The following ABCA6 variants were observed in gnomAD, a reference collection of about 807,000 sequenced individuals.
ABCA6 encodes ATP-binding cassette sub-family A member 6.
ABCA6 carries 164 observed loss-of-function variants against 191.2 expected under a neutral mutation model. That is an observed-to-expected ratio of 0.86 (90% CI 0.76 to 0.98). The LOEUF is 0.98. ABCA6 is among the 50% of genes least tolerant of loss of function. The pLI is 0.00. For synonymous variants in ABCA6, 636 were observed against 647.7 expected (o/e 0.98, Z 0.27); for missense variants, 1,958 against 1,894.1 (o/e 1.03, Z -0.63).
At chr17:69,088,793 C>T (rs896640926) in intron 27 of ABCA6, among the ~76,000 whole-genome samples, 5 of 152,154 alleles carry the variant, frequency 3.3e-5, no homozygotes, top group African/African-American at 9.7e-5. Context: ...CTCGCTTTAT[C>T]CCATGACTTC....
intron 3 of ABCA6, among the ~76,000 whole-genome samples, 168 bp from the exon 4 acceptor site, chr17:69,136,418 G>A (rs183471518): frequency 6.6e-6 from 1 of 152,206 alleles, no homozygotes; most frequent in African/African-American, 2.4e-5. Flanking sequence ...TAATGGTTTA[G>A]ATTCTACAGT....
chr17:69,133,823 A>G lies in ABCA6; in HGVS notation c.609T>C (p.Thr203=). The change falls in exon 6 of 39, where the codon ACT becomes ACC. Residue 203 remains threonine, a synonymous_variant. Transcript: ENST00000284425. ...HPVMEELMSV[T]AITMKTLPFI... ...AAGGTAATGTCTTCATAGTTATAGCAGTAACTGACATCAACTCCTCCATCA... is the reference window on the plus strand; with the variant it reads ...AAGGTAATGTCTTCATAGTTATAGCGGTAACTGACATCAACTCCTCCATCA... 6.2e-7 allele frequency: 1 copy of G among 1,610,866 alleles called. No homozygotes were observed. Among genetic ancestry groups the G allele is most frequent in the Non-Finnish European group, 8.5e-7 (1 of 1,178,256 alleles).
chr17:69,086,930 C>T (rs769333863), intron 29 of ABCA6, among the ~76,000 whole-genome samples, 195 bp from the exon 30 acceptor site: 4 of 152,162 alleles, frequency 2.6e-5, no homozygotes, highest in Non-Finnish European at 5.9e-5. Flanking sequence ...ATGGAAGCAG[C>T]TTATTGTCTT....
At position 69,133,632 on chromosome 17, in the gene ABCA6, GT is replaced by G. The variant is rs1337815355; in HGVS notation, c.791+8del. On this transcript the variant is annotated splice_region_variant and intron_variant, in intron 6 of 38. Coordinates refer to ENST00000284425, the MANE Select transcript of ABCA6 (RefSeq NM_080284.3). Reference sequence around the variant, plus strand: ...TTATTAATTTGCACTACTTGAATTAGTCACTCACCAGAATGCTGAATCTTGG... The same window carrying G: ...TTATTAATTTGCACTACTTGAATTAGCACTCACCAGAATGCTGAATCTTGG... 1 of 1,537,354 alleles carries G rather than the reference GT, an allele frequency of 6.5e-7. No homozygotes were observed. The highest frequency in any genetic ancestry group is 1.8e-5 in the Admixed American group (1 of 54,196).
At chr17:69,120,905 A>AT (rs1240220309) in intron 10 of ABCA6, among the ~76,000 whole-genome samples, 3 of 152,012 alleles carry the variant, frequency 2.0e-5, no homozygotes, top group Non-Finnish European at 4.4e-5. Flanking sequence ...AAAAATGTAT[A>AT]TTTTTACAAA....
chr17:69,096,820 A>G lies in ABCA6; in HGVS notation c.3121-19T>C, dbSNP rs771515289. The G allele has an allele frequency of 2.0e-6, 3 of 1,511,064 alleles. No individual in the cohort carries two copies. The highest frequency in any genetic ancestry group is 2.4e-5 in the East Asian group (1 of 41,192). The allele number at this position is 1,511,064 out of a possible 1,614,324, so 93.6% of individuals were successfully genotyped here. A position where few individuals can be genotyped will look rare whatever the true frequency, so the allele number is the denominator to read the frequency against. ...CATTTTTCTGATTAAAAAAAAAAAG[A>G]AAGAAAGAAATGTATATAGATTCAA... On this transcript the variant is annotated intron_variant, in intron 23 of 38. Transcript: ENST00000284425.
At chr17:69,092,319 T>C (rs990050811) in intron 25 of ABCA6, among the ~76,000 whole-genome samples, 1 of 152,216 alleles carries the variant, frequency 6.6e-6, no homozygotes, top group South Asian at 2.1e-4. Flanking sequence ...AATTATTTAA[T>C]CCTCACAACT....
rs767787424 is a variant in ABCA6 at position 69,085,046 on chromosome 17, G to C, written c.4166C>G (p.Ala1389Gly). 3 of 1,610,460 alleles carry C rather than the reference G, an allele frequency of 1.9e-6. No homozygotes were observed. The highest frequency in any genetic ancestry group is 2.5e-6 in the Non-Finnish European group (3 of 1,179,142). The stretch of plus-strand genomic sequence containing the variant: ...TCTGTACCTTGCGATGGCGAGCCTC[G>C]CGTCCGCTTTCCTGAGCCCCTTGAC... The part of the protein sequence containing the change: ...AAVKGLRKAD[A>G]RLAIARLVSA... The change falls in exon 32 of 39, where the codon GCG becomes GGG. Residue 1389 changes from alanine (A) to glycine (G), a missense_variant. Physicochemically the swap from Ala to Gly is moderately conservative, Grantham distance 60 (BLOSUM62 0). Transcript: ENST00000284425.
chr17:69,132,883 T>C (rs2073889311), intron 6 of ABCA6, among the ~76,000 whole-genome samples: 1 of 151,990 alleles, frequency 6.6e-6, no homozygotes, highest in Admixed American at 6.6e-5. Flanking sequence ...AGTGTGTGTG[T>C]ACATATATGT....
intron 20 of ABCA6, 40 bp downstream of exon 20, chr17:69,105,422 A>G (rs1330430631): frequency 7.1e-6 from 11 of 1,556,636 alleles, no homozygotes; most frequent in Non-Finnish European, 8.7e-6. Flanking sequence ...AACAATAAAA[A>G]TAACTTATTT....
intron 22 of ABCA6, 82 bp downstream of exon 22, chr17:69,100,714 TG>T: frequency 7.4e-7 from 1 of 1,358,714 alleles, no homozygotes; most frequent in Non-Finnish European, 9.9e-7. Context: ...CAATCACTTA[TG>T]GATATTTAAA....
At chr17:69,091,813 C>G (rs560572614) in intron 25 of ABCA6, among the ~76,000 whole-genome samples, 2 of 151,306 alleles carry the variant, frequency 1.3e-5, no homozygotes, top group South Asian at 4.2e-4. Context: ...TGAGCCACCG[C>G]GCCCGGCCCC....
At chr17:69,122,186 T>G (rs2073660665) in intron 10 of ABCA6, among the ~76,000 whole-genome samples, 1 of 152,098 alleles carries the variant, frequency 6.6e-6, no homozygotes, top group African/African-American at 2.4e-5. Context: ...ATTGCTTCAC[T>G]TTTTGTATTC....
chr17:69,100,971 A>C (rs1447968963), intron 21 of ABCA6, 37 bp from the exon 22 acceptor site: 4 of 1,519,964 alleles, frequency 2.6e-6, no homozygotes, highest in Non-Finnish European at 2.7e-6. Context: ...TTAATGCTAA[A>C]TTCTTAAAGA....
chr17:69,082,809 C>G, intron 36 of ABCA6, 64 bp downstream of exon 36: 1 of 1,594,052 alleles, frequency 6.3e-7, no homozygotes, highest in Non-Finnish European at 8.5e-7. Context: ...TCTCACACAG[C>G]AAAAAGGAAA....
intron 36 of ABCA6, 108 bp from the exon 37 acceptor site, chr17:69,081,253 T>TGCAAATTA (rs1445052653): frequency 1.7e-6 from 1 of 583,980 alleles, no homozygotes; most frequent in African/African-American, 1.9e-5. Context: ...ATAAAAGTAA[T>TGCAAATTA]GCAAATTAAT....
intron 21 of ABCA6, 145 bp downstream of exon 21, chr17:69,102,690 G>A: frequency 1.5e-6 from 1 of 683,892 alleles, no homozygotes; most frequent in Non-Finnish European, 2.3e-6. Context: ...CAAAAACTTA[G>A]GTAAACTTCA....
intron 1 of ABCA6, 59 bp from the exon 2 acceptor site, chr17:69,140,807 A>G (rs1242084634): frequency 1.9e-6 from 1 of 539,114 alleles, no homozygotes; most frequent in African/African-American, 2.0e-5. Flanking sequence ...GAAAATATTT[A>G]CTACCTTTAA....
In ABCA6 at chr17:69,085,142, C is replaced by T. The variant is rs762811326; in HGVS notation, c.4070G>A (p.Gly1357Glu). The change falls in exon 32 of 39, where the codon GGG becomes GAG. Residue 1357 changes from glycine (G) to glutamate (E), a missense_variant. Coordinates refer to ENST00000284425, the MANE Select transcript of ABCA6 (RefSeq NM_080284.3). ...CAGCACGTTCTCTTGAGGGCAGTACCCCAGGTGGCCCAAAACTGAACTGCA... is the reference window on the plus strand; with the variant it reads ...CAGCACGTTCTCTTGAGGGCAGTACTCCAGGTGGCCCAAAACTGAACTGCA... ...KGCSSVLGHL[G>E]YCPQENVLWP... 6.2e-7 allele frequency: 1 copy of T among 1,611,830 alleles called. No individual in the cohort carries two copies. Among genetic ancestry groups the T allele is most frequent in the Non-Finnish European group, 8.5e-7 (1 of 1,179,128 alleles).
Sources: gnomAD v4.1 joint callset for allele counts (sites outside exome capture counted in the v4.1 genomes callset) on GRCh38, gnomAD v4.1.1 for gene constraint, MANE v1.5 for transcripts, NCBI Gene and HGNC (gene_info 2026-07-23, HGNC 2026-07-21) for gene names.